Variants in AOX1 observed in about 807,000 individuals in gnomAD.
The protein encoded by AOX1 is aldehyde oxidase 1.
A neutral mutation model predicts 169.5 loss-of-function variants in AOX1; 153 were observed. The ratio of observed to expected loss-of-function variants is 0.90; its 90% CI spans 0.79 to 1.03. The LOEUF is 1.03. Ranked by LOEUF, AOX1 falls within the 50% of genes least tolerant of loss-of-function variation. AOX1 has a pLI of 0.00. For synonymous variants in AOX1, 562 were observed against 581.9 expected, an observed-to-expected ratio of 0.97 and a Z score of 0.49; for missense variants, 1,656 against 1,663.9, an observed-to-expected ratio of 1.00 and a Z score of 0.08.
At chr2:200,665,673 C>G (rs1437523382) in intron 31 of AOX1, among the ~76,000 whole-genome samples, 1 of 152,216 alleles carries the variant, frequency 6.6e-6, no homozygotes, top group Non-Finnish European at 1.5e-5. Flanking sequence ...CTCAAGTGAT[C>G]TGCCCCCCTC....
chr2:200,649,229 A>G (rs1414019422), intron 25 of AOX1, among the ~76,000 whole-genome samples: 1 of 127,236 alleles, frequency 7.9e-6, no homozygotes, highest in Non-Finnish European at 1.6e-5. Context: ...CTGTGTTGTT[A>G]GGCAGGAATG....
chr2:200,606,134 T>C (rs2034509129), intron 10 of AOX1, among the ~76,000 whole-genome samples: 1 of 152,238 alleles, frequency 6.6e-6, no homozygotes, highest in African/African-American at 2.4e-5. Flanking sequence ...CATTTAAGTC[T>C]TCAATCCATC....
At chr2:200,586,756 C>G (rs994973834) in intron 1 of AOX1, among the ~76,000 whole-genome samples, 11 of 152,368 alleles carry the variant, frequency 7.2e-5, no homozygotes, top group Non-Finnish European at 1.3e-4. Flanking sequence ...CCAAGGTCCT[C>G]ACGGGTTCCA....
At chr2:200,680,166 T>TATTTCTAGCCAGATA (rs1365586959), downstream of AOX1, among the ~76,000 whole-genome samples, 7 of 152,214 alleles carry the variant, frequency 4.6e-5, no homozygotes, top group Admixed American at 4.6e-4. Context: ...ATAGTCATGC[T>TATTTCTAGCCAGATA]GATAATTCTA....
At chr2:200,674,040 T>C (rs1177029284), downstream of AOX1, among the ~76,000 whole-genome samples, 1 of 152,036 alleles carries the variant, frequency 6.6e-6, no homozygotes, top group Non-Finnish European at 1.5e-5. Flanking sequence ...AAGCAGAACA[T>C]CCAGAACCAA....
intron 1 of AOX1, among the ~76,000 whole-genome samples, chr2:200,586,361 G>A (rs900179862): frequency 1.3e-5 from 2 of 152,224 alleles, no homozygotes; most frequent in African/African-American, 4.8e-5. Context: ...GACTGTCCTG[G>A]ATCTTTGGGC....
At position 200,593,145 on chromosome 2, in the gene AOX1, G is replaced by T. The variant is rs748737861; in HGVS notation, c.46-1G>T. The T allele has an allele frequency of 5.6e-6, 9 of 1,612,244 alleles. No individual in the cohort carries two copies. Among genetic ancestry groups the T allele is most frequent in the Non-Finnish European group, 7.6e-6 (9 of 1,178,596 alleles). On this transcript the variant is annotated splice_acceptor_variant, in intron 1 of 34. Transcript: ENST00000374700. LOFTEE classifies it high-confidence loss of function. ...TAACTCTTATTTTCCCTTTGGTATA[G>T]GTGATAGAAAAAAATGTCGATCCTG... is the stretch of plus-strand genomic sequence containing the variant.
chr2:200,658,050 C>T (rs1243551345), intron 27 of AOX1, among the ~76,000 whole-genome samples: 21 of 152,324 alleles, frequency 1.4e-4, no homozygotes, highest in Admixed American at 1.3e-3. Context: ...ATTTATTTAA[C>T]CATCCCCCAG....
At position 200,660,214 on chromosome 2, in the gene AOX1, G is replaced by A. The variant is rs1042913943; in HGVS notation, c.3375+145G>A. The A allele has an allele frequency of 1.0e-5, 7 of 676,748 alleles. No individual in the cohort carries two copies. The African/African-American group carries it at 1.3e-4, about 12-fold the overall frequency. The allele number at this position is 676,748 out of a possible 1,614,324, so 41.9% of individuals were successfully genotyped here. On this transcript the variant is annotated intron_variant, in intron 29 of 34. Coordinates refer to ENST00000374700, the MANE Select transcript of AOX1 (RefSeq NM_001159.4). ...GTAATGATAAATAAAAGGCCCTTTG[G>A]CTCTTAGCATGTGGAAATCCTATCA...
intron 12 of AOX1, among the ~76,000 whole-genome samples, chr2:200,609,987 G>T (rs866545050): frequency 8.6e-5 from 13 of 151,184 alleles, no homozygotes; most frequent in South Asian, 2.1e-4. Context: ...AATTTGTGGG[G>T]TTTTTTTTCG....
In AOX1 at chr2:200,670,626, T is replaced by C; in HGVS notation, c.3967-3T>C. The C allele has an allele frequency of 1.2e-6, 2 of 1,611,534 alleles. No individual in the cohort carries two copies. Among genetic ancestry groups the C allele is most frequent in the East Asian group, 2.2e-5 (1 of 44,874 alleles). ...TGAACATCCAGATTTGTTTTTATTT[T>C]AGATTCCGAGAGATGAACCTGGATC... On this transcript the variant is annotated splice_region_variant and splice_polypyrimidine_tract_variant and intron_variant, in intron 34 of 34. Transcript: ENST00000374700.
At chr2:200,597,650 A>T (rs1574908349) in intron 4 of AOX1, 145 bp downstream of exon 4, 1 of 463,850 alleles carries the variant, frequency 2.2e-6, no homozygotes, top group Non-Finnish European at 3.8e-6. Context: ...ACAAGAGTGA[A>T]GCCTGGCATA....
At chr2:200,663,595 CT>C (rs1428480442) in intron 31 of AOX1, among the ~76,000 whole-genome samples, 1 of 130,806 alleles carries the variant, frequency 7.6e-6, no homozygotes, top group Non-Finnish European at 1.7e-5. Flanking sequence ...CTCTCTCTCT[CT>C]CCCCCTCTTT....
chr2:200,675,516 GA>G (rs2036083121), downstream of AOX1, among the ~76,000 whole-genome samples: 1 of 152,158 alleles, frequency 6.6e-6, no homozygotes, highest in South Asian at 2.1e-4. Context: ...ACACATTTTA[GA>G]AGGTGATTTA....
rs2035557336 is a variant in AOX1 at position 200,650,330 on chromosome 2, A to T, written c.2848-644A>T. 2.0e-5 allele frequency among the ~76,000 whole-genome samples: 3 copies of T among 151,982 alleles called. No individual in the cohort carries two copies. The South Asian group carries it at 6.2e-4, about 31-fold the overall frequency. On this transcript the variant is annotated intron_variant, in intron 25 of 34. Coordinates refer to ENST00000374700, the MANE Select transcript of AOX1 (RefSeq NM_001159.4). Reference sequence around the variant, plus strand: ...ATAATTTGCTTCGGAGGGTGGGGAGAGTGTGTCTGTGATGGCTCTGTCAGC... The same window carrying T: ...ATAATTTGCTTCGGAGGGTGGGGAGTGTGTGTCTGTGATGGCTCTGTCAGC...
intron 26 of AOX1, among the ~76,000 whole-genome samples, chr2:200,655,498 G>A (rs1459129186): frequency 6.6e-6 from 1 of 152,156 alleles, no homozygotes; most frequent in African/African-American, 2.4e-5. Flanking sequence ...CAAGGTCCTT[G>A]GGTGTCATTA....
At chr2:200,653,026 A>G (rs78813686) in intron 26 of AOX1, among the ~76,000 whole-genome samples, 2 of 152,328 alleles carry the variant, frequency 1.3e-5, no homozygotes, top group East Asian at 1.9e-4. Flanking sequence ...TATAAAAAAA[A>G]TCTAGGCTTA....
chr2:200,681,186 T>A (rs1257280813), downstream of AOX1, among the ~76,000 whole-genome samples: 2 of 152,124 alleles, frequency 1.3e-5, no homozygotes, highest in African/African-American at 4.8e-5. Flanking sequence ...TCAATGGAGT[T>A]TTTTTCCAGA....
At position 200,586,822 on chromosome 2, in the gene AOX1, G is replaced by A. The variant is rs571219483; in HGVS notation, c.45+669G>A. Among the ~76,000 whole-genome samples the A allele has an allele frequency of 2.0e-5, 3 of 152,290 alleles. No homozygotes were observed. The East Asian group carries it at 5.8e-4, about 29-fold the overall frequency. ...GCTGGGCTCGCTCTGCGCAACCCGA[G>A]GGACAGTTCCAGGCAGTGTCCGATG... On this transcript the variant is annotated intron_variant, in intron 1 of 34. Transcript: ENST00000374700.
Sources: gnomAD v4.1 joint callset for allele counts (sites outside exome capture counted in the v4.1 genomes callset) on GRCh38, gnomAD v4.1.1 for gene constraint, MANE v1.5 for transcripts, NCBI Gene and HGNC (gene_info 2026-07-23, HGNC 2026-07-21) for gene names.